SNCAIP: variants seen among roughly 807,000 people sequenced by gnomAD.
The protein encoded by SNCAIP is synuclein alpha interacting protein.
SNCAIP carries 43 observed loss-of-function variants against 86.7 expected under a neutral mutation model. The ratio of observed to expected loss-of-function variants is 0.50; its 90% confidence interval spans 0.39 to 0.64. The LOEUF (loss-of-function observed/expected upper bound fraction) is 0.64. Ranked by LOEUF, SNCAIP falls within the 30% of genes least tolerant of loss-of-function variation. The pLI, the probability that SNCAIP is intolerant of heterozygous loss-of-function variation, is 0.00. For synonymous variants in SNCAIP, 417 were observed against 427.2 expected, an observed-to-expected ratio of 0.98 and a Z score of 0.29; for missense variants, 981 against 1,103.1, an observed-to-expected ratio of 0.89 and a Z score of 1.57.
chr5:122,353,829 A>G (rs1760431193), intron 1 of SNCAIP, among the ~76,000 whole-genome samples: 1 of 152,062 alleles, frequency 6.6e-6, no homozygotes, highest in African/African-American at 2.4e-5. Context: ...GCAGCGTGAA[A>G]ATGGACTAAT....
At chr5:122,320,953 G>T (rs984022619) in intron 1 of SNCAIP, among the ~76,000 whole-genome samples, 3 of 152,104 alleles carry the variant, frequency 2.0e-5, no homozygotes, top group Non-Finnish European at 2.9e-5. Flanking sequence ...CCCTTGATGG[G>T]TCGGTCCCCC....
At chr5:122,446,118 A>G (rs940235438) in intron 8 of SNCAIP, among the ~76,000 whole-genome samples, 3 of 152,182 alleles carry the variant, frequency 2.0e-5, no homozygotes, top group African/African-American at 4.8e-5. Context: ...ACACAAATTA[A>G]TAAGTCAGTA....
rs115032635 is a variant in SNCAIP, at chr5:122,330,527, G to T, written c.-47+18243G>T. Among the ~76,000 whole-genome samples the T allele has an allele frequency of 8.3e-3, 1,269 of 152,200 alleles. 12 individuals carry two copies. Among genetic ancestry groups the T allele is most frequent in the African/African-American group, 0.028 (1,177 of 41,520 alleles). On this transcript the variant is annotated intron_variant, in intron 1 of 10. Transcript: ENST00000261368. Reference sequence around the variant, plus strand: ...GTAGATGTGTTATAACAGAAAATTTGCCTAGTTTTATATGAAAAATACAAT... The same window carrying T: ...GTAGATGTGTTATAACAGAAAATTTTCCTAGTTTTATATGAAAAATACAAT...
chr5:122,443,529 T>G, intron 7 of SNCAIP: 2 of 446,366 alleles, frequency 4.5e-6, no homozygotes, highest in Non-Finnish European at 9.0e-6. Flanking sequence ...CTTTAAAATC[T>G]CAGTCTTACT....
chr5:122,426,601 A>G (rs973475504), intron 5 of SNCAIP, among the ~76,000 whole-genome samples: 2 of 152,338 alleles, frequency 1.3e-5, no homozygotes, highest in African/African-American at 4.8e-5. Flanking sequence ...CAAATCTAGC[A>G]TAGAAGATAA....
At chr5:122,369,831 G>T (rs1763930324) in intron 1 of SNCAIP, 1 of 152,138 alleles carries the variant, frequency 6.6e-6, no homozygotes, top group Non-Finnish European at 1.5e-5. Context: ...GACTCTTCAG[G>T]ACCCTTGGGG....
At chr5:122,428,409 T>C (rs1217602665) in intron 5 of SNCAIP, among the ~76,000 whole-genome samples, 1 of 152,176 alleles carries the variant, frequency 6.6e-6, no homozygotes, top group Non-Finnish European at 1.5e-5. Flanking sequence ...TCTGCCTTTC[T>C]AACAGCATTT....
intron 1 of SNCAIP, among the ~76,000 whole-genome samples, chr5:122,341,336 A>G (rs1561541425): frequency 6.6e-6 from 1 of 152,228 alleles, no homozygotes; most frequent in Admixed American, 6.5e-5. Flanking sequence ...TGAATCAGCT[A>G]CTTTAGTCAT....
intron 1 of SNCAIP, among the ~76,000 whole-genome samples, chr5:122,363,100 G>A (rs887789807): frequency 3.3e-5 from 5 of 150,682 alleles, no homozygotes; most frequent in Admixed American, 1.3e-4. Flanking sequence ...AGGATCAAGC[G>A]ATTCTCTTGC....
At chr5:122,434,892 T>C (rs1298877013) in intron 6 of SNCAIP, among the ~76,000 whole-genome samples, 1 of 152,194 alleles carries the variant, frequency 6.6e-6, no homozygotes, top group Non-Finnish European at 1.5e-5. Context: ...GTCCTGGCTT[T>C]GTTTCTTCAG....
intron 8 of SNCAIP, among the ~76,000 whole-genome samples, chr5:122,446,357 GT>G (rs998773694): frequency 1.3e-4 from 20 of 152,300 alleles, no homozygotes; most frequent in Admixed American, 1.0e-3. Flanking sequence ...CCAAAGGAAT[GT>G]TTTTTCTAAA....
intron 3 of SNCAIP, among the ~76,000 whole-genome samples, chr5:122,405,925 C>T (rs755079339): frequency 7.9e-5 from 12 of 152,130 alleles, no homozygotes; most frequent in Non-Finnish European, 1.3e-4. Context: ...AGCTTTTGAA[C>T]TTTACTCACA....
intron 3 of SNCAIP, among the ~76,000 whole-genome samples, chr5:122,419,413 A>G (rs1313857886): frequency 1.3e-5 from 2 of 152,252 alleles, no homozygotes; most frequent in Non-Finnish European, 2.9e-5. Context: ...ATTGTGGCCT[A>G]TACATCAGCA....
intron 2 of SNCAIP, among the ~76,000 whole-genome samples, chr5:122,400,393 CT>C (rs1367378530): frequency 6.6e-6 from 1 of 152,226 alleles, no homozygotes; most frequent in Non-Finnish European, 1.5e-5. Context: ...CTTTGAATGT[CT>C]ATAATATTAT....
At chr5:122,358,479 G>A (rs184907580) in intron 1 of SNCAIP, among the ~76,000 whole-genome samples, 1 of 151,124 alleles carries the variant, frequency 6.6e-6, no homozygotes, top group East Asian at 2.0e-4. Context: ...CCTCACTCTG[G>A]GGACTCCATC....
chr5:122,410,311 GA>G (rs1773859392), intron 3 of SNCAIP, among the ~76,000 whole-genome samples: 1 of 152,132 alleles, frequency 6.6e-6, no homozygotes, highest in Admixed American at 6.5e-5. Context: ...TGTTGCTCCA[GA>G]ATGTGCATAG....
At chr5:122,364,615 G>A (rs1212692857) in intron 1 of SNCAIP, among the ~76,000 whole-genome samples, 2 of 152,266 alleles carry the variant, frequency 1.3e-5, no homozygotes, top group Non-Finnish European at 2.9e-5. Flanking sequence ...GTTTATGAAT[G>A]TCATGCTAAT....
At chr5:122,316,111 G>T (rs1022146167) in intron 1 of SNCAIP, among the ~76,000 whole-genome samples, 3 of 152,112 alleles carry the variant, frequency 2.0e-5, no homozygotes, top group Admixed American at 2.0e-4. Flanking sequence ...TGCAGAGTAG[G>T]CTATGAATGT....
intron 1 of SNCAIP, among the ~76,000 whole-genome samples, chr5:122,380,530 CT>C (rs1469805470): frequency 6.7e-6 from 1 of 149,778 alleles, no homozygotes; most frequent in Non-Finnish European, 1.5e-5. Context: ...TTTTTTGTGT[CT>C]CTATTTCCTT....
Sources: allele counts gnomAD v4.1 joint callset (sites outside exome capture counted in the v4.1 genomes callset), GRCh38; gene constraint gnomAD v4.1.1; transcripts MANE v1.5; gene names NCBI Gene and HGNC (gene_info 2026-07-23, HGNC 2026-07-21).